The following FBXL16 variants were observed in gnomAD, a reference collection of about 807,000 sequenced individuals.
The protein encoded by FBXL16 is F-box and leucine rich repeat protein 16.
FBXL16 carries 7 observed loss-of-function variants against 36.7 expected under a neutral mutation model. The ratio of observed to expected loss-of-function variants is 0.19; its 90% CI spans 0.11 to 0.36. The LOEUF (loss-of-function observed/expected upper bound fraction) is 0.36. Among genes scored for constraint, FBXL16 ranks in the 10% least tolerant of loss-of-function variants. The probability of loss-of-function intolerance (pLI) is 1.00; values close to 1 mark genes in which losing one functional copy is unlikely to be tolerated. For synonymous variants in FBXL16, 355 were observed against 308.7 expected (o/e 1.15, Z -1.57); for missense variants, 463 against 659.4 (o/e 0.70, Z 3.26).
intron 1 of FBXL16, among the ~76,000 whole-genome samples, chr16:702,543 C>T (rs1432932155): frequency 1.3e-5 from 2 of 152,156 alleles, no homozygotes; most frequent in Admixed American, 6.5e-5. Flanking sequence ...TGAATGAATG[C>T]GGAATGTGGC....
intron 1 of FBXL16, among the ~76,000 whole-genome samples, chr16:698,773 G>T (rs2040033576): frequency 6.6e-6 from 1 of 151,960 alleles, no homozygotes; most frequent in South Asian, 2.1e-4. Flanking sequence ...AATTAGCCGG[G>T]CTTGGTGGCA....
At chr16:702,385 G>A (rs2040064184) in intron 1 of FBXL16, among the ~76,000 whole-genome samples, 1 of 152,192 alleles carries the variant, frequency 6.6e-6, no homozygotes, top group Non-Finnish European at 1.5e-5. Context: ...CAGCTCTTGA[G>A]AAAGCGTCTC....
chr16:698,565 G>T (rs142027429), intron 1 of FBXL16, among the ~76,000 whole-genome samples: 126 of 152,344 alleles, frequency 8.3e-4, no homozygotes, highest in African/African-American at 3.0e-3. Flanking sequence ...CTCAGGAGGG[G>T]CTCTGGTGCT....
In FBXL16 at chr16:694,689, G is replaced by A. The variant is rs1366015730; in HGVS notation, c.1236C>T (p.Asp412=). Residue 412 remains aspartate (D), a synonymous_variant, in exon 5 of 6, where the codon GAC becomes GAT. Coordinates refer to ENST00000397621, the MANE Select transcript of FBXL16 (RefSeq NM_153350.4). ...GGGCCAGGAGGTGCTTCAGCCCGAA[G>A]TCTTGCACCTGTCGGGAGTGGAGGA... The part of the protein sequence containing the change: ...LYLRWCCQVQ[D]FGLKHLLALG... 1.9e-6 allele frequency: 3 copies of A among 1,606,862 alleles called. No individual in the cohort carries two copies. The highest frequency in any genetic ancestry group is 4.5e-5 in the East Asian group (2 of 44,650).
rs2039992440 is a variant in FBXL16 at position 694,197 on chromosome 16, G to C, written c.*78C>G. 1 of 1,071,896 alleles carries C rather than the reference G, an allele frequency of 9.3e-7. No individual in the cohort carries two copies. Among genetic ancestry groups the C allele is most frequent in the Non-Finnish European group, 1.2e-6 (1 of 837,232 alleles). 66.4% of individuals were successfully genotyped at this position (1,071,896 alleles called of 1,614,324 possible). A position where few individuals can be genotyped will look rare whatever the true frequency, so the allele number is the denominator to read the frequency against. ...GGGGGCTCCCCCGAGCGCAAGGCGGGAAGAGGGGGCTCGGCGGCGCCCCGC... is the reference window on the plus strand; with the variant it reads ...GGGGGCTCCCCCGAGCGCAAGGCGGCAAGAGGGGGCTCGGCGGCGCCCCGC... On this transcript the variant is annotated 3_prime_UTR_variant, in exon 6 of 6. Coordinates refer to ENST00000397621, the MANE Select transcript of FBXL16 (RefSeq NM_153350.4).
At chr16:705,414 G>GCCCCCA (rs1268176624) in intron 1 of FBXL16, 98 bp downstream of exon 1, 90 of 149,596 alleles carry the variant, frequency 6.0e-4, no homozygotes, top group African/African-American at 2.0e-3. Context: ...CGGCGGCGCG[G>GCCCCCA]CCCCCACCCC....
At chr16:699,534 C>T (rs1333564169) in intron 1 of FBXL16, among the ~76,000 whole-genome samples, 3 of 152,234 alleles carry the variant, frequency 2.0e-5, no homozygotes, top group African/African-American at 7.2e-5. Context: ...CACCTTGAAG[C>T]CTGGGGAGGT....
rs534277958 is a variant in FBXL16 at position 705,590 on chromosome 16, C to G, written c.-93G>C. On this transcript the variant is annotated 5_prime_UTR_variant, in exon 1 of 6. Transcript: ENST00000397621. ...ATGGGGAGCCCGGCATGGGCGTCGG[C>G]GCGCGGGGGCCGCCGGGGTGCTGGA... The G allele has an allele frequency of 2.0e-5, 3 of 149,968 alleles. No individual in the cohort carries two copies. Among genetic ancestry groups the G allele is most frequent in the Non-Finnish European group, 4.5e-5 (3 of 67,172 alleles). 9.3% of individuals were successfully genotyped at this position (149,968 alleles called of 1,614,324 possible).
At position 693,144 on chromosome 16, in the gene FBXL16, G is replaced by A. The variant is rs952333791; in HGVS notation, c.*1131C>T. 2 of 143,720 alleles carry A rather than the reference G, an allele frequency of 1.4e-5. No individual in the cohort carries two copies. The highest frequency in any genetic ancestry group is 5.0e-5 in the African/African-American group (2 of 39,722). 8.9% of individuals were successfully genotyped at this position (143,720 alleles called of 1,614,324 possible). A position where few individuals can be genotyped will look rare whatever the true frequency, so the allele number is the denominator to read the frequency against. ...AGCACGGTCAGAGCCCATTTGGGCA[G>A]ACAGAAGTTTGGGAAGCTGGGGAGG... On this transcript the variant is annotated 3_prime_UTR_variant, in exon 6 of 6. Transcript: ENST00000397621.
At chr16:696,641 C>A in intron 2 of FBXL16, 132 bp downstream of exon 2, 2 of 853,324 alleles carry the variant, frequency 2.3e-6, no homozygotes, top group Non-Finnish European at 3.1e-6. Flanking sequence ...CACATTTTCG[C>A]TTTGCGCGAG....
In FBXL16 at chr16:695,396, G is replaced by C. The variant is rs1198587063; in HGVS notation, c.1142+19C>G. On this transcript the variant is annotated intron_variant, in intron 3 of 5. Coordinates refer to ENST00000397621, the MANE Select transcript of FBXL16 (RefSeq NM_153350.4). ...CCCGCCCGGCCCAGCCCCGCCCGGC[G>C]CGGCCCGGGGGCGCGCACCTGTCGA... The C allele has an allele frequency of 4.0e-6, 6 of 1,505,398 alleles. No homozygotes were observed. In the South Asian group the frequency reaches 7.3e-5, roughly 18 times the overall value. The allele number at this position is 1,505,398 out of a possible 1,614,324, so 93.3% of individuals were successfully genotyped here.
Position 696,777 on chromosome 16 carries a change from A to C in FBXL16, c.629T>G (p.Leu210Arg). The change falls in exon 2 of 6, where the codon CTC becomes CGC. Residue 210 changes from leucine to arginine, a missense_variant. By Grantham distance (102) the Leu-to-Arg change is moderately radical. Transcript: ENST00000397621. ...CCCCCCGAGCCTGGTGCACACCTCG[A>C]GGCCTGCGTCCGTGATGGTGGAGCG... is the stretch of plus-strand genomic sequence containing the variant. Reference protein sequence around the residue: ...LKRSTITDAGLEVMLEQMQGV... With the variant: ...LKRSTITDAGREVMLEQMQGV... 2.0e-6 allele frequency: 1 copy of C among 494,472 alleles called. No homozygotes were observed. The highest frequency in any genetic ancestry group is 2.7e-6 in the Non-Finnish European group (1 of 368,006). The allele number at this position is 494,472 out of a possible 1,614,324, so 30.6% of individuals were successfully genotyped here. A position where few individuals can be genotyped will look rare whatever the true frequency, so the allele number is the denominator to read the frequency against.
In FBXL16 at chr16:692,544, G is replaced by A. The variant is rs569858523; in HGVS notation, c.*1731C>T. The stretch of plus-strand genomic sequence containing the variant: ...ATATATATTTTTATAAACAGGTCAC[G>A]TGATAAAATAGCACAAGAAACACTT... On this transcript the variant is annotated 3_prime_UTR_variant, in exon 6 of 6. Transcript: ENST00000397621. The A allele has an allele frequency of 3.9e-5, 6 of 152,488 alleles. No individual in the cohort carries two copies. The highest frequency in any genetic ancestry group is 1.2e-4 in the African/African-American group (5 of 41,544). The allele number at this position is 152,488 out of a possible 1,614,324, so 9.4% of individuals were successfully genotyped here. A position where few individuals can be genotyped will look rare whatever the true frequency, so the allele number is the denominator to read the frequency against.
intron 2 of FBXL16, 99 bp downstream of exon 2, chr16:696,674 T>C (rs1341823245): frequency 8.9e-6 from 3 of 338,814 alleles, no homozygotes; most frequent in Non-Finnish European, 1.1e-5. Context: ...CAGTCCTTCT[T>C]TCCTCCCACC....
intron 1 of FBXL16, among the ~76,000 whole-genome samples, chr16:700,223 A>G (rs2040045798): frequency 6.6e-6 from 1 of 152,094 alleles, no homozygotes; most frequent in Non-Finnish European, 1.5e-5. Context: ...CGTGGCTGAG[A>G]ACCCAGCTTT....
rs941059778 is a variant in FBXL16, at chr16:692,887, ATCTCTCTCTCTCTT to A, written c.*1374_*1387del. 3.6e-4 allele frequency: 55 copies of A among 152,164 alleles called. No homozygotes were observed. Among genetic ancestry groups the A allele is most frequent in the African/African-American group, 1.1e-3 (45 of 41,446 alleles). 9.4% of individuals were successfully genotyped at this position (152,164 alleles called of 1,614,324 possible). A position where few individuals can be genotyped will look rare whatever the true frequency, so the allele number is the denominator to read the frequency against. The stretch of plus-strand genomic sequence containing the variant: ...GTTGATCTGTTTCTGATTCAACAGC[ATCTCTCTCTCTCTT>A]TCTCTCTCTCTCTCACTCTCTTTCT... On this transcript the variant is annotated 3_prime_UTR_variant, in exon 6 of 6. Transcript: ENST00000397621.
chr16:702,050 T>C (rs1347203139), intron 1 of FBXL16, among the ~76,000 whole-genome samples: 1 of 152,088 alleles, frequency 6.6e-6, no homozygotes, highest in African/African-American at 2.4e-5. Flanking sequence ...GGGAGCACGG[T>C]GGGGCCTGGG....
chr16:699,895 G>A (rs2040043257), intron 1 of FBXL16, among the ~76,000 whole-genome samples: 1 of 152,336 alleles, frequency 6.6e-6, no homozygotes, highest in South Asian at 2.1e-4. Context: ...CTCTCAGGAA[G>A]AGGATGGCTC....
In FBXL16 at chr16:697,281, G is replaced by T. The variant is rs1397563042; in HGVS notation, c.125C>A (p.Thr42Asn). The T allele has an allele frequency of 5.9e-6, 9 of 1,525,886 alleles. No homozygotes were observed. Among genetic ancestry groups the T allele is most frequent in the East Asian group, 2.5e-5 (1 of 40,782 alleles). 94.5% of individuals were successfully genotyped at this position (1,525,886 alleles called of 1,614,324 possible). A position where few individuals can be genotyped will look rare whatever the true frequency, so the allele number is the denominator to read the frequency against. ...TGGTGGCTGGCAGGGGCGGTTCTTGGTGGCTGGCGTGCCCTTGGTGATGCT... is the reference window on the plus strand; with the variant it reads ...TGGTGGCTGGCAGGGGCGGTTCTTGTTGGCTGGCGTGCCCTTGGTGATGCT... ...AASITKGTPA[T>N]KNRPCQPPPP... The change falls in exon 2 of 6, where the codon ACC becomes AAC. Residue 42 changes from threonine (T) to asparagine (N), a missense_variant. Coordinates refer to ENST00000397621, the MANE Select transcript of FBXL16 (RefSeq NM_153350.4). The surrounding 1 kb of genome is among the most constrained non-coding windows in gnomAD (Gnocchi z 4.6).
Sources: gnomAD v4.1 joint callset for allele counts (sites outside exome capture counted in the v4.1 genomes callset) on GRCh38, gnomAD v4.1.1 for gene constraint, Gnocchi (gnomAD v3.1) non-coding constraint, MANE v1.5 for transcripts, NCBI Gene and HGNC (gene_info 2026-07-23, HGNC 2026-07-21) for gene names.